The following FAM163B variants were observed in gnomAD, a reference collection of about 807,000 sequenced individuals.
FAM163B encodes protein FAM163B.
Under a neutral mutation model 7.6 loss-of-function variants are expected in FAM163B, and 4 were observed. The observed-to-expected ratio is 0.52, with a 90% CI of 0.26 to 1.20. FAM163B has a LOEUF of 1.20. FAM163B is among the 50% of genes most tolerant of loss of function. FAM163B has a pLI of 0.14. For missense variants in FAM163B, 250 were observed against 243.0 expected (o/e 1.03, Z -0.19); for synonymous variants, 120 against 111.6 (o/e 1.07, Z -0.47).
intron 1 of FAM163B, among the ~76,000 whole-genome samples, chr9:133,605,423 C>T (rs1300340866): frequency 1.3e-5 from 2 of 152,186 alleles, no homozygotes; most frequent in Non-Finnish European, 2.9e-5. Flanking sequence ...CCCTGGGAGC[C>T]TGGTTTGTTT....
rs11533120 is a variant in FAM163B at position 133,577,509 on chromosome 9, C to G, written c.*1513G>C. ...TCCCCCGACGCCTCTGGAAACTGGC[C>G]ATTTCGTTTTTGAGTAAGGGCAAGA... On this transcript the variant is annotated 3_prime_UTR_variant, in exon 3 of 3. Transcript: ENST00000673969. Among the ~76,000 whole-genome samples the G allele has an allele frequency of 0.74, 112,362 of 152,186 alleles. 41,698 individuals carry two copies. The highest frequency in any genetic ancestry group is 0.87 in the Middle Eastern group (255 of 294).
In FAM163B at chr9:133,603,297, C is replaced by G. The variant is rs1405462337; in HGVS notation, c.-24+5780G>C. Among the ~76,000 whole-genome samples the G allele has an allele frequency of 1.3e-5, 2 of 152,192 alleles. 1 individual carries two copies. Among genetic ancestry groups the G allele is most frequent in the African/African-American group, 4.8e-5 (2 of 41,450 alleles). ...TGGGTCCAATGCATACCCAGCGCATCCCACCGCAGCCGGCCTTTTCCTCCA... is the reference window on the plus strand; with the variant it reads ...TGGGTCCAATGCATACCCAGCGCATGCCACCGCAGCCGGCCTTTTCCTCCA... On this transcript the variant is annotated intron_variant, in intron 1 of 2. Transcript: ENST00000673969.
chr9:133,602,821 T>C (rs1040293379), intron 1 of FAM163B, among the ~76,000 whole-genome samples: 2 of 152,194 alleles, frequency 1.3e-5, no homozygotes, highest in Admixed American at 1.3e-4. Context: ...AAGCTGATAT[T>C]TTTCTAGTAA....
At chr9:133,605,682 C>T (rs1357842989) in intron 1 of FAM163B, among the ~76,000 whole-genome samples, 1 of 152,156 alleles carries the variant, frequency 6.6e-6, no homozygotes, top group Non-Finnish European at 1.5e-5. Flanking sequence ...CAACAGTCCT[C>T]CCCCAGGGCC....
At chr9:133,579,747 C>T (rs954448745) in intron 2 of FAM163B, among the ~76,000 whole-genome samples, 1 of 152,230 alleles carries the variant, frequency 6.6e-6, no homozygotes, top group Non-Finnish European at 1.5e-5. Context: ...CCGGGGGTCA[C>T]AGGCACTGGC....
chr9:133,604,319 G>A (rs1831764306), intron 1 of FAM163B, among the ~76,000 whole-genome samples: 3 of 151,746 alleles, frequency 2.0e-5, no homozygotes, highest in Admixed American at 6.6e-5. Context: ...CTAGGGTGTC[G>A]ACATGCAGAC....
At chr9:133,584,039 G>A (rs1284919185) in intron 1 of FAM163B, among the ~76,000 whole-genome samples, 11 of 86,702 alleles carry the variant, frequency 1.3e-4, no homozygotes, top group African/African-American at 2.2e-4. Flanking sequence ...CCACCCTCTG[G>A]GATGCCCATC....
In FAM163B at chr9:133,601,662, T is replaced by C. The variant is rs554502951; in HGVS notation, c.-24+7415A>G. Among the ~76,000 whole-genome samples the C allele has an allele frequency of 6.6e-6, 1 of 152,328 alleles. No individual in the cohort carries two copies. The highest frequency in any genetic ancestry group is 1.9e-4 in the East Asian group (1 of 5,190). ...CAAGTCCCTTCTTCCCTGAGGATGT[T>C]TTGCTGGTTTTGAATGTTTTGAGTG... On this transcript the variant is annotated intron_variant, in intron 1 of 2. Transcript: ENST00000673969. The surrounding 1 kb of genome is among the most constrained non-coding windows in gnomAD (Gnocchi z 4.1).
At chr9:133,591,100 C>T (rs1288822668) in intron 1 of FAM163B, among the ~76,000 whole-genome samples, 9 of 152,310 alleles carry the variant, frequency 5.9e-5, no homozygotes. Flanking sequence ...GCCCGGACCA[C>T]CCCACTCATG....
Position 133,599,237 on chromosome 9 carries a change from C to A in FAM163B, c.-24+9840G>T, listed in dbSNP as rs566764699. The stretch of plus-strand genomic sequence containing the variant: ...TCCATCGACTCGGAACTGCCATCCA[C>A]TCCTTGCATGGTCAGGTCAGGCTGC... On this transcript the variant is annotated intron_variant, in intron 1 of 2. Transcript: ENST00000673969. 2.0e-5 allele frequency among the ~76,000 whole-genome samples: 3 copies of A among 152,324 alleles called. No homozygotes were observed. The South Asian group carries it at 6.2e-4, about 32-fold the overall frequency.
At position 133,579,051 on chromosome 9, in the gene FAM163B, T is replaced by C. The variant is rs1241552328; in HGVS notation, c.472A>G (p.Arg158Gly). 2 of 1,571,212 alleles carry C rather than the reference T, an allele frequency of 1.3e-6. No homozygotes were observed. Among genetic ancestry groups the C allele is most frequent in the South Asian group, 2.3e-5 (2 of 86,376 alleles). ...ACGTCGGTGCTGATGCTGCGGCTCC[T>C]GGCGAAGGCCTCCCGCATGGCTGAG... is the stretch of plus-strand genomic sequence containing the variant. Reference protein sequence around the residue: ...RLSAMREAFARSRSISTDV With the variant: ...RLSAMREAFAGSRSISTDV The change falls in exon 3 of 3, where the codon AGG (arginine) becomes GGG (glycine). Residue 158 changes from arginine to glycine, a missense_variant. Coordinates refer to ENST00000673969, the MANE Select transcript of FAM163B (RefSeq NM_001080515.3).
intron 1 of FAM163B, among the ~76,000 whole-genome samples, chr9:133,584,545 C>A (rs988956292): frequency 2.6e-5 from 4 of 152,234 alleles, no homozygotes; most frequent in African/African-American, 9.6e-5. Context: ...CCAGATGACA[C>A]CCTCCAAGGG....
Position 133,577,628 on chromosome 9 carries a change from G to T in FAM163B, c.*1394C>A, listed in dbSNP as rs1831273212. 6.6e-6 allele frequency among the ~76,000 whole-genome samples: 1 copy of T among 152,226 alleles called. No homozygotes were observed. Among genetic ancestry groups the T allele is most frequent in the Non-Finnish European group, 1.5e-5 (1 of 68,034 alleles). On this transcript the variant is annotated 3_prime_UTR_variant, in exon 3 of 3. Coordinates refer to ENST00000673969, the MANE Select transcript of FAM163B (RefSeq NM_001080515.3). Reference sequence around the variant, plus strand: ...CGGTGCCTTCCCTGGGCAGAGAGGGGCTGCCCCGGCCCTGGGGCTCCATGG... The same window carrying T: ...CGGTGCCTTCCCTGGGCAGAGAGGGTCTGCCCCGGCCCTGGGGCTCCATGG...
chr9:133,580,916 T>G (rs1421773898), intron 1 of FAM163B, among the ~76,000 whole-genome samples: 1 of 152,260 alleles, frequency 6.6e-6, no homozygotes, highest in Non-Finnish European at 1.5e-5. Flanking sequence ...AATTCCTGCC[T>G]GACGTTTGGG....
chr9:133,587,483 G>C lies in FAM163B; in HGVS notation c.-23-7237C>G, dbSNP rs1334278970. ...CGTAGGGCAGGACAGGGAGTGTCAGGATCAGGCCTCCTGGCCTCCATCATG... is the reference window on the plus strand; with the variant it reads ...CGTAGGGCAGGACAGGGAGTGTCAGCATCAGGCCTCCTGGCCTCCATCATG... On this transcript the variant is annotated intron_variant, in intron 1 of 2. Coordinates refer to ENST00000673969, the MANE Select transcript of FAM163B (RefSeq NM_001080515.3). Among the ~76,000 whole-genome samples the C allele has an allele frequency of 2.0e-5, 3 of 151,910 alleles. No individual in the cohort carries two copies. In the East Asian group the frequency reaches 5.8e-4, roughly 29 times the overall value.
At position 133,577,350 on chromosome 9, in the gene FAM163B, G is replaced by A. The variant is rs1831266090; in HGVS notation, c.*1672C>T. ...AGGATGCACAGAGGAAGCCAGAGGT[G>A]TGGGCGGGCCCGGGGGGCCGGGGCT... On this transcript the variant is annotated 3_prime_UTR_variant, in exon 3 of 3. Coordinates refer to ENST00000673969, the MANE Select transcript of FAM163B (RefSeq NM_001080515.3). Among the ~76,000 whole-genome samples the A allele has an allele frequency of 6.6e-6, 1 of 151,776 alleles. No individual in the cohort carries two copies. The highest frequency in any genetic ancestry group is 2.4e-5 in the African/African-American group (1 of 41,326).
At chr9:133,602,841 C>T (rs900394641) in intron 1 of FAM163B, among the ~76,000 whole-genome samples, 6 of 152,158 alleles carry the variant, frequency 3.9e-5, no homozygotes, top group South Asian at 2.1e-4. Flanking sequence ...AAATATTGGA[C>T]GCTTTTTTCT....
chr9:133,579,147 C>T lies in FAM163B; in HGVS notation c.376G>A (p.Val126Met), dbSNP rs374236190. The part of the protein sequence containing the change: ...NGGERVLYKS[V>M]SQEDVELPPG... The stretch of plus-strand genomic sequence containing the variant: ...GGCAGCTCCACGTCCTCCTGGCTCA[C>T]GCTCTTGTAGAGCACGCGCTCCCCG... The change falls in exon 3 of 3, where the codon GTG (valine) becomes ATG (methionine). Residue 126 changes from valine to methionine, a missense_variant. Coordinates refer to ENST00000673969, the MANE Select transcript of FAM163B (RefSeq NM_001080515.3). The T allele has an allele frequency of 1.4e-5, 22 of 1,609,896 alleles. No individual in the cohort carries two copies. The highest frequency in any genetic ancestry group is 2.2e-5 in the East Asian group (1 of 44,874).
At chr9:133,605,590 C>T (rs764429168) in intron 1 of FAM163B, among the ~76,000 whole-genome samples, 17 of 152,324 alleles carry the variant, frequency 1.1e-4, no homozygotes, top group African/African-American at 1.4e-4. Context: ...GACGGCTCCC[C>T]GAGGGCTGAG....
Sources: gnomAD v4.1 joint callset for allele counts (sites outside exome capture counted in the v4.1 genomes callset) on GRCh38, gnomAD v4.1.1 for gene constraint, Gnocchi (gnomAD v3.1) non-coding constraint, MANE v1.5 for transcripts, NCBI Gene and HGNC (gene_info 2026-07-23, HGNC 2026-07-21) for gene names.